The following MAP7 variants were observed in gnomAD, a reference collection of about 807,000 sequenced individuals.
MAP7 encodes the protein ensconsin.
MAP7 carries 52 observed loss-of-function variants against 94.8 expected under a neutral mutation model. That is an observed-to-expected ratio of 0.55 (90% CI 0.44 to 0.69). The LOEUF (loss-of-function observed/expected upper bound fraction) is 0.69. Among genes scored for constraint, MAP7 ranks in the 30% least tolerant of loss-of-function variants. The pLI is 0.00. For missense variants in MAP7, 940 were observed against 964.6 expected (o/e 0.97, Z 0.34); for synonymous variants, 350 against 357.0 (o/e 0.98, Z 0.22).
chr6:136,356,780 G>A lies in MAP7; in HGVS notation c.1927C>T (p.Pro643Ser). ...LTGGTEVSAL[P>S]CTTNAPGNGK... ...TTTCCCGGAGCGTTTGTTGTACATG[G>A]AAGTGCAGACACCTCTGGGCATAGT... The change falls in exon 16 of 18, where the codon CCA (proline) becomes TCA (serine). Residue 643 changes from proline (P) to serine (S), a missense_variant. Coordinates refer to ENST00000354570, the MANE Select transcript of MAP7 (RefSeq NM_003980.6). 1.9e-6 allele frequency: 3 copies of A among 1,614,046 alleles called. No homozygotes were observed. The highest frequency in any genetic ancestry group is 1.1e-5 in the South Asian group (1 of 91,070).
rs540560711 is a variant in MAP7 at position 136,396,041 on chromosome 6, T to C, written c.245-6524A>G. Among the ~76,000 whole-genome samples, 143 of 152,258 alleles carry C rather than the reference T, an allele frequency of 9.4e-4. 1 individual carries two copies. In the South Asian group the frequency reaches 0.028, roughly 29 times the overall value. On this transcript the variant is annotated intron_variant, in intron 3 of 17. Transcript: ENST00000354570. The stretch of plus-strand genomic sequence containing the variant: ...TCTTTTTGCTCAGGATTGCTTTGAC[T>C]ATTTGGGGTCTTCTGTGGTTCCACA...
At chr6:136,446,160 G>A (rs1049357951) in intron 1 of MAP7, among the ~76,000 whole-genome samples, 16 of 152,002 alleles carry the variant, frequency 1.1e-4, no homozygotes, top group Admixed American at 1.3e-4. Context: ...CATCAGAGGT[G>A]GACAGGGCAC....
At chr6:136,434,751 A>T (rs1452828511) in intron 1 of MAP7, among the ~76,000 whole-genome samples, 1 of 152,208 alleles carries the variant, frequency 6.6e-6, no homozygotes, top group Non-Finnish European at 1.5e-5. Context: ...AGTCTGAAAA[A>T]CACCAAAACA....
intron 1 of MAP7, among the ~76,000 whole-genome samples, chr6:136,519,324 C>A (rs2129044801): frequency 6.6e-6 from 1 of 152,208 alleles, no homozygotes; most frequent in Admixed American, 6.5e-5. Context: ...TTTTGCCTCC[C>A]TAGCTGTTAA....
At position 136,547,075 on chromosome 6, in the gene MAP7, G is replaced by A. The variant is rs557119518; in HGVS notation, c.67+3267C>T. Among the ~76,000 whole-genome samples, 7 of 152,308 alleles carry A rather than the reference G, an allele frequency of 4.6e-5. No homozygotes were observed. In the South Asian group the frequency reaches 1.2e-3, roughly 27 times the overall value. On this transcript the variant is annotated intron_variant, in intron 1 of 17. Coordinates refer to ENST00000354570, the MANE Select transcript of MAP7 (RefSeq NM_003980.6). ...GGGACAAGCTTAATACCAAATTGAC[G>A]TCTGAGCCCTTATTTAATTGCAGAT...
At chr6:136,394,933 T>TATATATATATATATATAC (rs1306242394) in intron 3 of MAP7, among the ~76,000 whole-genome samples, 11 of 76,664 alleles carry the variant, frequency 1.4e-4, no homozygotes, top group African/African-American at 6.9e-4. Context: ...TATTCCATCA[T>TATATATATATATATATAC]ATATATATAT....
chr6:136,492,629 C>T (rs1415017799), intron 1 of MAP7, among the ~76,000 whole-genome samples: 1 of 152,018 alleles, frequency 6.6e-6, no homozygotes, highest in African/African-American at 2.4e-5. Flanking sequence ...TAGGGTTTAA[C>T]TGATTTTGAA....
chr6:136,504,717 G>T (rs1820855768), intron 1 of MAP7, among the ~76,000 whole-genome samples: 1 of 152,070 alleles, frequency 6.6e-6, no homozygotes, highest in Non-Finnish European at 1.5e-5. Flanking sequence ...GTCTCGCTCT[G>T]TTGCCCAAGC....
intron 2 of MAP7, among the ~76,000 whole-genome samples, chr6:136,417,718 TCTAA>T (rs746016227): frequency 3.0e-4 from 46 of 152,296 alleles, no homozygotes; most frequent in South Asian, 6.2e-4. Context: ...AAACCCGATT[TCTAA>T]CTCAGTCCTG....
intron 1 of MAP7, among the ~76,000 whole-genome samples, chr6:136,452,171 G>A (rs976336219): frequency 6.6e-6 from 1 of 150,748 alleles, no homozygotes; most frequent in Admixed American, 6.7e-5. Flanking sequence ...TCCAGCCTGG[G>A]AGACAGAGCA....
At chr6:136,526,081 T>C in intron 1 of MAP7, 1 of 1,429,336 alleles carries the variant, frequency 7.0e-7, no homozygotes, top group Non-Finnish European at 9.1e-7. Flanking sequence ...TTTGAGCACT[T>C]GTAATAGATC....
chr6:136,530,541 A>AGCTCCTGCAATAGTCCAGATGAAAG (rs1583153402), intron 1 of MAP7, among the ~76,000 whole-genome samples: 2 of 147,032 alleles, frequency 1.4e-5, no homozygotes, highest in African/African-American at 2.7e-5. Context: ...CATGGAATCA[A>AGCTCCTGCAATAGTCCAGATGAAAG]ACAACCACTA....
chr6:136,391,266 C>T (rs4896208), intron 3 of MAP7, among the ~76,000 whole-genome samples: 125,889 of 149,020 alleles, frequency 0.84, 53,245 homozygotes, highest in Admixed American at 0.88. Context: ...ATGGATGAAA[C>T]TGGAAACCAT....
intron 1 of MAP7, among the ~76,000 whole-genome samples, chr6:136,487,993 G>A (rs936680627): frequency 6.6e-6 from 1 of 152,184 alleles, no homozygotes; most frequent in Non-Finnish European, 1.5e-5. Flanking sequence ...GTATTATTGC[G>A]AAAGGGCGGC....
chr6:136,364,301 C>G, intron 10 of MAP7: 2 of 509,268 alleles, frequency 3.9e-6, no homozygotes, highest in Admixed American at 4.0e-5. Context: ...CCAATGTTGA[C>G]ATGGGGAGCC....
chr6:136,516,767 A>G (rs1388534919), intron 1 of MAP7, among the ~76,000 whole-genome samples: 1 of 152,234 alleles, frequency 6.6e-6, no homozygotes, highest in Admixed American at 6.5e-5. Context: ...AACTTAGAAT[A>G]AGAAGTCTTG....
At chr6:136,504,207 A>C (rs1230009416) in intron 1 of MAP7, among the ~76,000 whole-genome samples, 2 of 152,198 alleles carry the variant, frequency 1.3e-5, no homozygotes, top group Non-Finnish European at 2.9e-5. Flanking sequence ...AATGGGCTGC[A>C]AGGGTACATA....
At chr6:136,368,189 A>G (rs1359500432) in intron 8 of MAP7, among the ~76,000 whole-genome samples, 3 of 151,608 alleles carry the variant, frequency 2.0e-5, no homozygotes, top group Non-Finnish European at 4.4e-5. Context: ...CACCCTCCCA[A>G]CCAGGGAGTT....
intron 1 of MAP7, among the ~76,000 whole-genome samples, chr6:136,452,896 T>C (rs545239088): frequency 1.3e-5 from 2 of 152,306 alleles, no homozygotes; most frequent in Admixed American, 1.3e-4. Flanking sequence ...TCAGACATCA[T>C]GCACATTTAA....
Sources: allele counts gnomAD v4.1 joint callset (sites outside exome capture counted in the v4.1 genomes callset), GRCh38; gene constraint gnomAD v4.1.1; transcripts MANE v1.5; gene names NCBI Gene and HGNC (gene_info 2026-07-23, HGNC 2026-07-21).